ZNF284: variants seen among roughly 807,000 people sequenced by gnomAD.
ZNF284 encodes zinc finger protein 284.
In ZNF284, 12 loss-of-function variants were observed where a neutral mutation model predicts 12.9. The ratio of observed to expected loss-of-function variants is 0.93; its 90% CI spans 0.60 to 1.51. ZNF284 has a LOEUF of 1.51. Ranked by LOEUF, ZNF284 falls within the 40% of genes most tolerant of loss-of-function variation. The pLI is 0.00. For synonymous variants in ZNF284, 225 were observed against 236.5 expected, an observed-to-expected ratio of 0.95 and a Z score of 0.45; for missense variants, 667 against 707.3, an observed-to-expected ratio of 0.94 and a Z score of 0.65.
At chr19:44,076,288 T>TC in intron 1 of ZNF284, 34 bp from the exon 2 acceptor site, 1 of 177,120 alleles carries the variant, frequency 5.6e-6, no homozygotes, top group Non-Finnish European at 9.9e-6. Context: ...TTCATGTCTC[T>TC]TTTTTTTTTT....
chr19:44,080,801 A>G (rs1447600314), intron 2 of ZNF284, among the ~76,000 whole-genome samples: 3 of 152,196 alleles, frequency 2.0e-5, no homozygotes, highest in Non-Finnish European at 4.4e-5. Flanking sequence ...AAGTAAACCT[A>G]TGGGACTTTT....
chr19:44,074,436 G>A (rs1332519605), intron 1 of ZNF284, among the ~76,000 whole-genome samples: 1 of 152,036 alleles, frequency 6.6e-6, no homozygotes, highest in Non-Finnish European at 1.5e-5. Flanking sequence ...TGCAAAAATA[G>A]TGTTAGAAAT....
intron 2 of ZNF284, among the ~76,000 whole-genome samples, chr19:44,079,885 G>A (rs1331312837): frequency 2.6e-5 from 4 of 150,996 alleles, no homozygotes; most frequent in African/African-American, 4.9e-5. Context: ...CTGAGTTTGC[G>A]CCATTGCACT....
At chr19:44,084,561 T>G (rs530103543) in intron 4 of ZNF284, among the ~76,000 whole-genome samples, 81 of 152,264 alleles carry the variant, frequency 5.3e-4, no homozygotes, top group Admixed American at 7.8e-4. Context: ...GACAGGCAGC[T>G]TTCAAGCTCT....
Position 44,087,150 on chromosome 19 carries a change from C to T in ZNF284, c.1672C>T (p.Gln558Ter). 1 of 1,614,110 alleles carries T rather than the reference C, an allele frequency of 6.2e-7. No homozygotes were observed. Among genetic ancestry groups the T allele is most frequent in the Non-Finnish European group, 8.5e-7 (1 of 1,179,994 alleles). The change falls in exon 5 of 5, where the codon CAA becomes TAA. Residue 558 changes from glutamine (Q) to a stop codon, truncating the protein, a stop_gained. Transcript: ENST00000421176. LOFTEE classifies it low-confidence loss of function (END_TRUNC). ...SEHSSCLQDQ[Q>*]SDHSGEKTSK... ...GCACAGTTCATGCCTTCAAGACCAA[C>T]AAAGCGACCACAGTGGAGAAAAAAC...
At chr19:44,084,041 C>T (rs1967182231) in intron 4 of ZNF284, among the ~76,000 whole-genome samples, 1 of 152,196 alleles carries the variant, frequency 6.6e-6, no homozygotes, top group South Asian at 2.1e-4. Context: ...GGTACATGCT[C>T]ATGCCTGGGG....
At chr19:44,078,426 T>C (rs1413101642) in intron 2 of ZNF284, among the ~76,000 whole-genome samples, 2 of 152,240 alleles carry the variant, frequency 1.3e-5, no homozygotes, top group Non-Finnish European at 2.9e-5. Flanking sequence ...TTCTTATTTT[T>C]TGACACTTTA....
Position 44,081,022 on chromosome 19 carries a change from T to C in ZNF284, c.23T>C (p.Val8Ala), listed in dbSNP as rs747066379. 6.2e-7 allele frequency: 1 copy of C among 1,611,806 alleles called. No homozygotes were observed. Among genetic ancestry groups the C allele is most frequent in the Non-Finnish European group, 8.5e-7 (1 of 1,178,610 alleles). MTMFKEA[V>A]TFKDVAVVFT... ...ATACGTTTGTTGTTGTAGGAGGCAGTGACCTTCAAGGATGTGGCTGTGGTC... is the reference window on the plus strand; with the variant it reads ...ATACGTTTGTTGTTGTAGGAGGCAGCGACCTTCAAGGATGTGGCTGTGGTC... The change falls in exon 3 of 5, where the codon GTG becomes GCG. Residue 8 changes from valine (V) to alanine (A), a missense_variant. Physicochemically the swap from Val to Ala is moderately conservative, Grantham distance 64. Transcript: ENST00000421176.
At chr19:44,081,188 G>A in intron 3 of ZNF284, 47 bp downstream of exon 3, 1 of 1,580,326 alleles carries the variant, frequency 6.3e-7, no homozygotes, top group Non-Finnish European at 8.6e-7. Flanking sequence ...CCCAGGAATG[G>A]CTTTGTATCC....
intron 4 of ZNF284, among the ~76,000 whole-genome samples, chr19:44,082,867 T>TA (rs1324734891): frequency 3.3e-5 from 5 of 152,190 alleles, no homozygotes; most frequent in African/African-American, 9.7e-5. Flanking sequence ...ATGACCTTCT[T>TA]ACTCTCTCTT....
Position 44,086,386 on chromosome 19 carries a change from A to G in ZNF284, c.908A>G (p.Asn303Ser), listed in dbSNP as rs1242391965. The G allele has an allele frequency of 6.2e-7, 1 of 1,613,974 alleles. No individual in the cohort carries two copies. Among genetic ancestry groups the G allele is most frequent in the East Asian group, 2.2e-5 (1 of 44,886 alleles). The part of the protein sequence containing the change: ...GKSFHSRSNL[N>S]RHSMVHMQEK... ...AGCTTCCATAGTAGATCAAATCTTA[A>G]TAGGCATTCCATGGTCCACATGCAA... The change falls in exon 5 of 5, where the codon AAT becomes AGT. Residue 303 changes from asparagine (N) to serine (S), a missense_variant. Transcript: ENST00000421176.
intron 2 of ZNF284, among the ~76,000 whole-genome samples, chr19:44,077,535 C>CTTTTTTTTGTT (rs1967050777): frequency 1.3e-5 from 1 of 76,232 alleles, no homozygotes; most frequent in Non-Finnish European, 2.8e-5. Context: ...ATTTTTCTGT[C>CTTTTTTTTGTT]TTTTTTTTTT....
In ZNF284 at chr19:44,086,058, C is replaced by G. The variant is rs1490737707; in HGVS notation, c.580C>G (p.Gln194Glu). 1 of 1,614,180 alleles carries G rather than the reference C, an allele frequency of 6.2e-7. No individual in the cohort carries two copies. The highest frequency in any genetic ancestry group is 1.1e-5 in the South Asian group (1 of 91,080). The part of the protein sequence containing the change: ...FCYSSALCLH[Q>E]KVHMGEKRYK... Reference sequence around the variant, plus strand: ...TTATAGCTCAGCTCTTTGTCTTCATCAGAAAGTTCACATGGGAGAGAAACG... The same window carrying G: ...TTATAGCTCAGCTCTTTGTCTTCATGAGAAAGTTCACATGGGAGAGAAACG... Residue 194 changes from glutamine (Q) to glutamate (E), a missense_variant, in exon 5 of 5, where the codon CAG becomes GAG. Transcript: ENST00000421176.
chr19:44,079,575 G>A (rs1967085945), intron 2 of ZNF284, among the ~76,000 whole-genome samples: 1 of 151,454 alleles, frequency 6.6e-6, no homozygotes, highest in Non-Finnish European at 1.5e-5. Context: ...CGGGTGTGGT[G>A]GTGGGCGCCT....
intron 4 of ZNF284, 147 bp downstream of exon 4, chr19:44,082,252 C>A (rs150701932): frequency 1.0e-5 from 6 of 602,474 alleles, no homozygotes; most frequent in South Asian, 4.9e-5. Flanking sequence ...CCTGCTCCCC[C>A]ACCCCCTCTT....
chr19:44,087,516 C>A lies in ZNF284; in HGVS notation c.*256C>A. The A allele has an allele frequency of 4.4e-6, 1 of 227,310 alleles. No individual in the cohort carries two copies. The highest frequency in any genetic ancestry group is 8.5e-6 in the Non-Finnish European group (1 of 117,344). 14.1% of individuals were successfully genotyped at this position (227,310 alleles called of 1,614,324 possible). ...TCATCATCTTACTGTACTTTCATAT[C>A]TGTTAACGAATCTTTCATCATCCAC... On this transcript the variant is annotated 3_prime_UTR_variant, in exon 5 of 5. Transcript: ENST00000421176.
chr19:44,081,801 C>T (rs779904989), intron 3 of ZNF284, among the ~76,000 whole-genome samples: 1 of 152,022 alleles, frequency 6.6e-6, no homozygotes, highest in Non-Finnish European at 1.5e-5. Context: ...ATCACGAGAA[C>T]AGCATGGAGG....
chr19:44,081,601 A>C (rs1466049871), intron 3 of ZNF284, among the ~76,000 whole-genome samples: 1 of 151,942 alleles, frequency 6.6e-6, no homozygotes, highest in African/African-American at 2.4e-5. Flanking sequence ...AGTCCCAGCT[A>C]CTCAGGAGGC....
intron 2 of ZNF284, among the ~76,000 whole-genome samples, chr19:44,079,383 C>T (rs1462163613): frequency 6.6e-6 from 1 of 152,162 alleles, no homozygotes; most frequent in Middle Eastern, 3.4e-3. Flanking sequence ...CACCTGAGGT[C>T]GGGAGTTTGA....
Sources: gnomAD v4.1 joint callset for allele counts (sites outside exome capture counted in the v4.1 genomes callset) on GRCh38, gnomAD v4.1.1 for gene constraint, MANE v1.5 for transcripts, NCBI Gene and HGNC (gene_info 2026-07-23, HGNC 2026-07-21) for gene names.